TSG101: variants seen among roughly 807,000 people sequenced by gnomAD.
TSG101 encodes the protein tumor susceptibility 101, also known as tumor susceptibility gene 101 protein.
In TSG101, 19 loss-of-function variants were observed where a neutral mutation model predicts 48.5. The observed-to-expected ratio is 0.39, with a 90% CI of 0.27 to 0.58. The LOEUF (loss-of-function observed/expected upper bound fraction) is 0.58. Ranked by LOEUF, TSG101 falls within the 20% of genes least tolerant of loss-of-function variation. The pLI, the probability that TSG101 is intolerant of heterozygous loss-of-function variation, is 0.55. For missense variants in TSG101, 365 were observed against 484.4 expected (o/e 0.75, Z 2.31); for synonymous variants, 174 against 169.4 (o/e 1.03, Z -0.21).
chr11:18,506,403 A>T (rs796127311), intron 6 of TSG101, among the ~76,000 whole-genome samples: 11 of 151,892 alleles, frequency 7.2e-5, no homozygotes, highest in Non-Finnish European at 1.3e-4. Flanking sequence ...AAAAAAAAAA[A>T]ATACATAGGC....
At chr11:18,506,815 AG>A in intron 6 of TSG101, 41 bp downstream of exon 6, 1 of 1,459,400 alleles carries the variant, frequency 6.9e-7, no homozygotes, top group Non-Finnish European at 9.3e-7. Flanking sequence ...ATCTAATAGA[AG>A]AATTTGTAAT....
At chr11:18,481,268 G>A in intron 9 of TSG101, 1 of 984,260 alleles carries the variant, frequency 1.0e-6, no homozygotes, top group Non-Finnish European at 1.2e-6. Flanking sequence ...AAAATTAACA[G>A]ATAAAAAATG....
intron 7 of TSG101, chr11:18,490,802 A>G: frequency 1.9e-6 from 1 of 535,664 alleles, no homozygotes; most frequent in Non-Finnish European, 3.7e-6. Context: ...GCGGGCACCA[A>G]CCATGTTCTT....
intron 4 of TSG101, among the ~76,000 whole-genome samples, chr11:18,509,971 G>A (rs916283811): frequency 1.3e-5 from 2 of 152,062 alleles, no homozygotes; most frequent in Non-Finnish European, 2.9e-5. Context: ...TATTGCCACT[G>A]TACAATGTAT....
chr11:18,499,381 A>ATATATATATATATAT (rs1849846619), intron 7 of TSG101, among the ~76,000 whole-genome samples: 1 of 12,290 alleles, frequency 8.1e-5, no homozygotes, highest in Non-Finnish European at 1.5e-4. Flanking sequence ...TTTATATTTA[A>ATATATATATATATAT]ATATATATAT....
At chr11:18,511,334 C>T (rs1462039488) in intron 4 of TSG101, 1 of 152,160 alleles carries the variant, frequency 6.6e-6, no homozygotes, top group Non-Finnish European at 1.5e-5. Flanking sequence ...TCCAAAGAAC[C>T]AAACTCACCT....
At position 18,509,587 on chromosome 11, in the gene TSG101, T is replaced by C. The variant is rs1043537350; in HGVS notation, c.436A>G (p.Ile146Val). ...TGGTATGGCGGATAGGATGCCGAAA[T>C]AGGACGAGAGAAGACTGGAGGTTCA... ...GDEPPVFSRP[I>V]SASYPPYQAT... Residue 146 changes from isoleucine to valine, a missense_variant, in exon 5 of 10, where the codon ATT becomes GTT. Ile to Val is a conservative substitution (Grantham distance 29, BLOSUM62 3). Coordinates refer to ENST00000251968, the MANE Select transcript of TSG101 (RefSeq NM_006292.4). The C allele has an allele frequency of 3.5e-5, 56 of 1,613,876 alleles. No individual in the cohort carries two copies. The African/African-American group carries it at 3.6e-4, about 10-fold the overall frequency.
intron 6 of TSG101, among the ~76,000 whole-genome samples, chr11:18,503,370 A>ATT (rs397848238): frequency 0.025 from 3,332 of 130,778 alleles, 70 homozygotes; most frequent in East Asian, 0.052. Flanking sequence ...TTCAGGTTAA[A>ATT]TTTTTTTTTT....
chr11:18,490,630 T>TA (rs1484928373), intron 7 of TSG101: 1 of 463,034 alleles, frequency 2.2e-6, no homozygotes, highest in African/African-American at 2.0e-5. Flanking sequence ...AAAATGGTTG[T>TA]ATAGAATTGA....
intron 5 of TSG101, chr11:18,508,641 G>T (rs2133923722): frequency 6.6e-6 from 1 of 152,214 alleles, no homozygotes; most frequent in African/African-American, 2.4e-5. Context: ...AGCTTATTCT[G>T]GGAAGGTAGG....
intron 4 of TSG101, among the ~76,000 whole-genome samples, chr11:18,512,068 G>A (rs370396669): frequency 1.6e-4 from 24 of 152,138 alleles, no homozygotes; most frequent in African/African-American, 4.6e-4. Flanking sequence ...TAATATCTAT[G>A]TTAATATCTA....
Position 18,514,671 on chromosome 11 carries a change from T to C in TSG101, c.357+7A>G. On this transcript the variant is annotated splice_region_variant and intron_variant, in intron 4 of 9. Coordinates refer to ENST00000251968, the MANE Select transcript of TSG101 (RefSeq NM_006292.4). ...TAACTAATTCACAGAACACTATGAA[T>C]ACTTACGTGTTTCCATTCATGTAGA... 1.3e-6 allele frequency: 2 copies of C among 1,559,494 alleles called. No homozygotes were observed. Among genetic ancestry groups the C allele is most frequent in the Non-Finnish European group, 1.7e-6 (2 of 1,161,812 alleles).
chr11:18,510,411 ACT>A (rs1469047432), intron 4 of TSG101, among the ~76,000 whole-genome samples: 2 of 152,084 alleles, frequency 1.3e-5, no homozygotes, highest in African/African-American at 4.8e-5. Flanking sequence ...ACAGAGCAAG[ACT>A]CTGTCTCAAA....
intron 1 of TSG101, among the ~76,000 whole-genome samples, chr11:18,522,516 G>A (rs2133934981): frequency 6.6e-6 from 1 of 152,264 alleles, no homozygotes; most frequent in East Asian, 1.9e-4. Context: ...TACAGTCCTG[G>A]TCTAAGCCAC....
chr11:18,486,464 C>T (rs931867479), intron 7 of TSG101, among the ~76,000 whole-genome samples: 9 of 152,228 alleles, frequency 5.9e-5, no homozygotes, highest in Non-Finnish European at 1.2e-4. Context: ...TAAGCCCCTT[C>T]GGCAGTTAAA....
At chr11:18,525,596 T>A in intron 1 of TSG101, 3 of 443,974 alleles carry the variant, frequency 6.8e-6, no homozygotes, top group Non-Finnish European at 8.9e-6. Flanking sequence ...AGTTACATAC[T>A]ATGTAAAACA....
intron 7 of TSG101, among the ~76,000 whole-genome samples, chr11:18,487,767 C>T (rs182465381): frequency 0.012 from 1,770 of 152,300 alleles, 34 homozygotes; most frequent in Non-Finnish European, 0.011. Flanking sequence ...GGAGTGGTGG[C>T]CCAGCTCATG....
At chr11:18,523,553 A>G (rs573235463) in intron 1 of TSG101, among the ~76,000 whole-genome samples, 3 of 152,148 alleles carry the variant, frequency 2.0e-5, no homozygotes, top group African/African-American at 7.2e-5. Flanking sequence ...CCCAGGCTGG[A>G]GTGCAGTGGC....
At chr11:18,489,227 A>ATT (rs113489427) in intron 7 of TSG101, among the ~76,000 whole-genome samples, 8 of 142,370 alleles carry the variant, frequency 5.6e-5, no homozygotes, top group Admixed American at 2.1e-4. Flanking sequence ...ACATCATTCT[A>ATT]TTTTTTTTTT....
Sources: allele counts gnomAD v4.1 joint callset (sites outside exome capture counted in the v4.1 genomes callset), GRCh38; gene constraint gnomAD v4.1.1; transcripts MANE v1.5; gene names NCBI Gene and HGNC (gene_info 2026-07-23, HGNC 2026-07-21).